Variants in IQANK1 observed in about 807,000 individuals in gnomAD.
IQANK1 encodes IQ motif and ankyrin repeat containing 1.
A neutral mutation model predicts 22.6 loss-of-function variants in IQANK1; 30 were observed. The observed-to-expected ratio is 1.33, with a 90% CI of 0.99 to 1.80. The LOEUF (loss-of-function observed/expected upper bound fraction) is 1.80, where lower values mean the gene tolerates loss of function less well. Ranked by LOEUF, IQANK1 falls within the 40% of genes most tolerant of loss-of-function variation. The probability of loss-of-function intolerance (pLI) is 0.00; values close to 1 mark genes in which losing one functional copy is unlikely to be tolerated. For synonymous variants in IQANK1, 122 were observed against 99.6 expected (o/e 1.23, Z -1.34); for missense variants, 275 against 235.2 (o/e 1.17, Z -1.11).
chr8:143,741,109 C>T (rs1554626436), intron 3 of IQANK1, among the ~76,000 whole-genome samples: 1 of 152,208 alleles, frequency 6.6e-6, no homozygotes, highest in African/African-American at 2.4e-5. Context: ...CAGGTGCAGG[C>T]TCCTGGTGGG....
In IQANK1 at chr8:143,771,797, C is replaced by G. The variant is rs1413500448; in HGVS notation, c.307-4C>G. 5.0e-6 allele frequency: 2 copies of G among 396,812 alleles called. No homozygotes were observed. The highest frequency in any genetic ancestry group is 8.9e-6 in the Non-Finnish European group (2 of 225,188). The allele number at this position is 396,812 out of a possible 1,614,324, so 24.6% of individuals were successfully genotyped here. On this transcript the variant is annotated splice_polypyrimidine_tract_variant and splice_region_variant and intron_variant, in intron 4 of 13. Transcript: ENST00000527139. This position sits in a 1 kb window ranked among gnomAD's most constrained non-coding sequence, Gnocchi z 6.0. ...GGGCGGTGACTTCGGCGGGCGCCTC[C>G]CAGGCCTACCTGGCTCCGGTGCGCC...
intron 3 of IQANK1, among the ~76,000 whole-genome samples, chr8:143,769,735 C>T (rs115278547): frequency 6.6e-6 from 1 of 152,314 alleles, no homozygotes; most frequent in African/African-American, 2.4e-5. Context: ...TTCTTCATTT[C>T]CTCAGTAGCT....
rs555021655 is a variant in IQANK1, at chr8:143,764,716, G to A, written c.176-6772G>A. Among the ~76,000 whole-genome samples the A allele has an allele frequency of 2.0e-5, 3 of 152,268 alleles. No homozygotes were observed. In the South Asian group the frequency reaches 6.2e-4, roughly 32 times the overall value. ...TACAGGGGTAAATTTCCATAATTAT[G>A]AAGAGGCAGAAAGAGATGGAGAGAG... is the stretch of plus-strand genomic sequence containing the variant. On this transcript the variant is annotated intron_variant, in intron 3 of 13. Coordinates refer to ENST00000527139, the MANE Select transcript of IQANK1 (RefSeq NM_001381874.1).
intron 7 of IQANK1, among the ~76,000 whole-genome samples, chr8:143,776,283 T>C (rs1819682250): frequency 8.1e-6 from 1 of 123,036 alleles, no homozygotes; most frequent in South Asian, 2.3e-4. Flanking sequence ...ATGGCGCCAC[T>C]GCAGTCCGCA....
Position 143,789,502 on chromosome 8 carries a change from A to G in IQANK1, c.1060A>G (p.Met354Val), listed in dbSNP as rs1178677535. The G allele has an allele frequency of 5.7e-6, 7 of 1,232,052 alleles. No individual in the cohort carries two copies. In the Admixed American group the frequency reaches 1.7e-4, roughly 30 times the overall value. 76.3% of individuals were successfully genotyped at this position (1,232,052 alleles called of 1,614,324 possible). A position where few individuals can be genotyped will look rare whatever the true frequency, so the allele number is the denominator to read the frequency against. The change falls in exon 10 of 14, where the codon ATG (methionine) becomes GTG (valine). Residue 354 changes from methionine to valine, a missense_variant. Met to Val is a conservative substitution (Grantham distance 21). Coordinates refer to ENST00000527139, the MANE Select transcript of IQANK1 (RefSeq NM_001381874.1). ...GCACGACCAGTGTGAGTGGAGGTGC[A>G]TGGACAAGACCAAGCTCACGCTGCA... Reference protein sequence around the residue: ...SEHDQCEWRCMDKTKLTLQAI... With the variant: ...SEHDQCEWRCVDKTKLTLQAI...
Position 143,771,795 on chromosome 8 carries a change from TC to T in IQANK1, c.307-3del, listed in dbSNP as rs1471295014. On this transcript the variant is annotated splice_polypyrimidine_tract_variant and splice_region_variant and intron_variant, in intron 4 of 13. Transcript: ENST00000527139. This position sits in a 1 kb window ranked among gnomAD's most constrained non-coding sequence, Gnocchi z 6.0. ...GTGGGCGGTGACTTCGGCGGGCGCCTCCCAGGCCTACCTGGCTCCGGTGCGC... is the reference window on the plus strand; with the variant it reads ...GTGGGCGGTGACTTCGGCGGGCGCCTCCAGGCCTACCTGGCTCCGGTGCGC... 2 of 396,190 alleles carry T rather than the reference TC, an allele frequency of 5.0e-6. No individual in the cohort carries two copies. The highest frequency in any genetic ancestry group is 4.2e-5 in the African/African-American group (2 of 48,152). The allele number at this position is 396,190 out of a possible 1,614,324, so 24.5% of individuals were successfully genotyped here. A position where few individuals can be genotyped will look rare whatever the true frequency, so the allele number is the denominator to read the frequency against.
At chr8:143,763,226 G>A (rs1302221221) in intron 3 of IQANK1, among the ~76,000 whole-genome samples, 5 of 152,072 alleles carry the variant, frequency 3.3e-5, no homozygotes, top group African/African-American at 9.7e-5. Context: ...ATGTCAGCCA[G>A]GCTGGTCTCA....
chr8:143,767,987 G>T (rs1819508655), intron 3 of IQANK1, among the ~76,000 whole-genome samples: 1 of 142,766 alleles, frequency 7.0e-6, no homozygotes, highest in Admixed American at 7.1e-5. Context: ...GGGTTCAAGT[G>T]ATTCTTCCTG....
chr8:143,739,893 A>AGCGG lies in IQANK1; in HGVS notation c.123_126dup (p.Trp43GlyfsTer11), dbSNP rs782234453. The AGCGG allele has an allele frequency of 7.2e-6, 5 of 697,964 alleles. No homozygotes were observed. In the South Asian group the frequency reaches 7.5e-5, roughly 10 times the overall value. The allele number at this position is 697,964 out of a possible 1,614,324, so 43.2% of individuals were successfully genotyped here. A position where few individuals can be genotyped will look rare whatever the true frequency, so the allele number is the denominator to read the frequency against. On this transcript the variant is annotated frameshift_variant, in exon 3 of 14. Coordinates refer to ENST00000527139, the MANE Select transcript of IQANK1 (RefSeq NM_001381874.1). LOFTEE classifies it high-confidence loss of function. Reference sequence around the variant, plus strand: ...GGGAGAACCGCCCGCCGCAGAGGAAAGCGGGCTGGCAGGCGAGGGAGCCCG... The same window carrying AGCGG: ...GGGAGAACCGCCCGCCGCAGAGGAAAGCGGGCGGGCTGGCAGGCGAGGGAGCCCG...
chr8:143,751,408 TCAAGAC>T (rs1490629568), intron 3 of IQANK1, among the ~76,000 whole-genome samples: 2 of 151,756 alleles, frequency 1.3e-5, no homozygotes, highest in Non-Finnish European at 2.9e-5. Context: ...GGTCAGGAGT[TCAAGAC>T]CAACCTGGCC....
chr8:143,790,003 G>A lies in IQANK1; in HGVS notation c.1228G>A (p.Val410Ile). ...AGAGGCGCCTGGGCTGAAGTGCCAG[G>A]TCACCGAGCTGCACGATGTGCTGAT... ...EEEAPGLKCQ[V>I]TELHDVLMKD... Residue 410 changes from valine to isoleucine, a missense_variant, in exon 12 of 14, where the codon GTC becomes ATC. Val to Ile is a conservative substitution (Grantham distance 29). Transcript: ENST00000527139. The A allele has an allele frequency of 4.1e-6, 5 of 1,232,092 alleles. No homozygotes were observed. Among genetic ancestry groups the A allele is most frequent in the Non-Finnish European group, 5.1e-6 (5 of 988,020 alleles). The allele number at this position is 1,232,092 out of a possible 1,614,324, so 76.3% of individuals were successfully genotyped here. A position where few individuals can be genotyped will look rare whatever the true frequency, so the allele number is the denominator to read the frequency against.
chr8:143,741,739 T>A (rs1563767776), intron 3 of IQANK1: 1 of 153,222 alleles, frequency 6.5e-6, no homozygotes, highest in Non-Finnish European at 1.5e-5. Flanking sequence ...ACTCAGCGCT[T>A]TCTGTGCCGC....
intron 3 of IQANK1, among the ~76,000 whole-genome samples, chr8:143,746,965 C>T (rs888426422): frequency 2.0e-5 from 3 of 152,006 alleles, no homozygotes; most frequent in Non-Finnish European, 4.4e-5. Context: ...CTGCAAGCTC[C>T]GCCTCCTGGG....
intron 2 of IQANK1, 113 bp from the exon 3 acceptor site, chr8:143,739,746 G>A (rs1190871938): frequency 4.3e-5 from 25 of 578,734 alleles, no homozygotes; most frequent in Non-Finnish European, 6.8e-5. Flanking sequence ...CCGGGTGGGG[G>A]GCTCCCTGTC....
chr8:143,787,777 T>C (rs1362905299), intron 7 of IQANK1, among the ~76,000 whole-genome samples: 1 of 152,062 alleles, frequency 6.6e-6, no homozygotes, highest in Non-Finnish European at 1.5e-5. Flanking sequence ...CCTGTCTTCA[T>C]CCTTCCCACG....
intron 3 of IQANK1, chr8:143,759,614 G>GCC (rs1819357267): frequency 6.6e-6 from 1 of 152,250 alleles, no homozygotes; most frequent in Non-Finnish European, 1.5e-5. Flanking sequence ...AGCAGGTGCA[G>GCC]TTGGAATAGC....
intron 3 of IQANK1, among the ~76,000 whole-genome samples, chr8:143,740,160 C>T (rs528767053): frequency 2.6e-5 from 4 of 152,094 alleles, no homozygotes; most frequent in African/African-American, 9.7e-5. Context: ...CGCCGCGCCC[C>T]GCTCTCGCCC....
At chr8:143,788,188 G>T (rs535102765) in intron 7 of IQANK1, among the ~76,000 whole-genome samples, 3 of 152,206 alleles carry the variant, frequency 2.0e-5, no homozygotes, top group Non-Finnish European at 4.4e-5. Flanking sequence ...ATTCACACAC[G>T]GAGCCACCCA....
Position 143,739,889 on chromosome 8 carries a change from G to A in IQANK1, c.116G>A (p.Arg39Lys), listed in dbSNP as rs1554626206. The A allele has an allele frequency of 1.4e-6, 1 of 698,420 alleles. No individual in the cohort carries two copies. Among genetic ancestry groups the A allele is most frequent in the Admixed American group, 2.0e-5 (1 of 49,462 alleles). The allele number at this position is 698,420 out of a possible 1,614,324, so 43.3% of individuals were successfully genotyped here. A position where few individuals can be genotyped will look rare whatever the true frequency, so the allele number is the denominator to read the frequency against. The change falls in exon 3 of 14, where the codon AGG becomes AAG. Residue 39 changes from arginine (R) to lysine (K), a missense_variant. Physicochemically the swap from Arg to Lys is conservative, Grantham distance 26. Coordinates refer to ENST00000527139, the MANE Select transcript of IQANK1 (RefSeq NM_001381874.1). ...GKPGENRPPQ[R>K]KAGWQAREPA... ...CCCGGGGAGAACCGCCCGCCGCAGA[G>A]GAAAGCGGGCTGGCAGGCGAGGGAG...
Sources: gnomAD v4.1 joint callset for allele counts (sites outside exome capture counted in the v4.1 genomes callset) on GRCh38, gnomAD v4.1.1 for gene constraint, Gnocchi (gnomAD v3.1) non-coding constraint, MANE v1.5 for transcripts, NCBI Gene and HGNC (gene_info 2026-07-23, HGNC 2026-07-21) for gene names.